Variants in ENPP6 observed in about 807,000 individuals in gnomAD.
The protein encoded by ENPP6 is glycerophosphocholine cholinephosphodiesterase ENPP6.
A neutral mutation model predicts 42.0 loss-of-function variants in ENPP6; 32 were observed. The ratio of observed to expected loss-of-function variants is 0.76; its 90% CI spans 0.58 to 1.02. The LOEUF (loss-of-function observed/expected upper bound fraction) is 1.02. Among genes scored for constraint, ENPP6 ranks in the 50% least tolerant of loss-of-function variants. The pLI is 0.00. For missense variants in ENPP6, 552 were observed against 566.8 expected (o/e 0.97, Z 0.27); for synonymous variants, 213 against 216.0 (o/e 0.99, Z 0.12).
At chr4:184,197,639 C>T (rs56076126) in intron 1 of ENPP6, among the ~76,000 whole-genome samples, 2,101 of 152,314 alleles carry the variant, frequency 0.014, 26 homozygotes, top group Non-Finnish European at 0.022. Context: ...CTAAGTCATC[C>T]TCTGCTTTTG....
intron 7 of ENPP6, among the ~76,000 whole-genome samples, chr4:184,093,122 C>G (rs996645043): frequency 6.6e-6 from 1 of 152,152 alleles, no homozygotes; most frequent in African/African-American, 2.4e-5. Flanking sequence ...ACCCAGCATG[C>G]ACTAGCTGGG....
chr4:184,120,132 C>T (rs1424551760), intron 3 of ENPP6, among the ~76,000 whole-genome samples: 1 of 152,126 alleles, frequency 6.6e-6, no homozygotes, highest in East Asian at 1.9e-4. Context: ...GGCCCTAGAT[C>T]GCTTTTCCTG....
At position 184,104,903 on chromosome 4, in the gene ENPP6, CA is replaced by C. The variant is rs1260881821; in HGVS notation, c.994-7536del. Among the ~76,000 whole-genome samples, 9 of 152,312 alleles carry C rather than the reference CA, an allele frequency of 5.9e-5. No homozygotes were observed. The East Asian group carries it at 1.4e-3, about 23-fold the overall frequency. ...CCGGCAAGGCAGAGTCCAAAACAGA[CA>C]AACAAATGTAGCATCAGGTCTTACA... On this transcript the variant is annotated intron_variant, in intron 6 of 7. Transcript: ENST00000296741.
intron 2 of ENPP6, among the ~76,000 whole-genome samples, chr4:184,141,309 C>T (rs1231663540): frequency 1.3e-5 from 2 of 152,182 alleles, no homozygotes; most frequent in East Asian, 1.9e-4. Context: ...CAGGCTGCTG[C>T]CTCCGGGCCA....
chr4:184,122,404 ACACCACCACCAC>A (rs57184304), intron 3 of ENPP6, among the ~76,000 whole-genome samples: 80 of 140,886 alleles, frequency 5.7e-4, no homozygotes, highest in Admixed American at 1.9e-3. Context: ...ACACACTCAT[ACACCACCACCAC>A]CACCACCACC....
chr4:184,208,293 A>C (rs56306877), intron 1 of ENPP6, among the ~76,000 whole-genome samples: 7,280 of 152,288 alleles, frequency 0.048, 250 homozygotes, highest in Non-Finnish European at 0.076. Flanking sequence ...AGCGATGCAG[A>C]AGATGGGTGA....
At chr4:184,112,143 T>G (rs1217084307) in intron 6 of ENPP6, among the ~76,000 whole-genome samples, 1 of 152,142 alleles carries the variant, frequency 6.6e-6, no homozygotes, top group African/African-American at 2.4e-5. Context: ...CAGAGCTGGA[T>G]GAGCTTAGAG....
intron 1 of ENPP6, among the ~76,000 whole-genome samples, chr4:184,202,581 G>A (rs1158400497): frequency 1.3e-5 from 2 of 152,098 alleles, no homozygotes; most frequent in East Asian, 3.9e-4. Context: ...ACCTGACCAC[G>A]CTCACTTCTC....
At chr4:184,096,633 C>G (rs981439274) in intron 7 of ENPP6, among the ~76,000 whole-genome samples, 1 of 152,208 alleles carries the variant, frequency 6.6e-6, no homozygotes, top group Admixed American at 6.5e-5. Context: ...CTCTCCATCT[C>G]TCCTCTCCTC....
chr4:184,140,422 A>G (rs1736800260), intron 2 of ENPP6, among the ~76,000 whole-genome samples: 1 of 152,074 alleles, frequency 6.6e-6, no homozygotes, highest in Non-Finnish European at 1.5e-5. Context: ...AAAAGAGCCC[A>G]CATTGCCAAG....
chr4:184,136,505 C>T (rs551927041), intron 2 of ENPP6, among the ~76,000 whole-genome samples: 1 of 152,282 alleles, frequency 6.6e-6, no homozygotes, highest in East Asian at 1.9e-4. Flanking sequence ...GTTAATATTT[C>T]CTTTACTCTA....
intron 2 of ENPP6, among the ~76,000 whole-genome samples, chr4:184,153,221 G>T (rs1009363699): frequency 1.3e-5 from 2 of 151,782 alleles, no homozygotes; most frequent in Non-Finnish European, 2.9e-5. Context: ...CGCCTCCTGG[G>T]TTCAAGCGAT....
chr4:184,209,951 A>G (rs1402367495), intron 1 of ENPP6, among the ~76,000 whole-genome samples: 3 of 141,258 alleles, frequency 2.1e-5, no homozygotes, highest in Non-Finnish European at 4.6e-5. Flanking sequence ...TAAAGAAAAG[A>G]ATTTTCAACC....
At chr4:184,174,702 G>A (rs1159959557) in intron 1 of ENPP6, among the ~76,000 whole-genome samples, 1 of 11,508 alleles carries the variant, frequency 8.7e-5, no homozygotes, top group Non-Finnish European at 4.4e-4. Context: ...AGTATCTTAC[G>A]ATATTACTTC....
At chr4:184,201,000 C>T (rs780196072) in intron 1 of ENPP6, among the ~76,000 whole-genome samples, 6 of 152,186 alleles carry the variant, frequency 3.9e-5, no homozygotes, top group East Asian at 1.9e-4. Context: ...AGGTGGCCCA[C>T]GCATCCTCCC....
At chr4:184,215,082 G>A (rs1000945034) in intron 1 of ENPP6, among the ~76,000 whole-genome samples, 1 of 152,090 alleles carries the variant, frequency 6.6e-6, no homozygotes, top group African/African-American at 2.4e-5. Context: ...ATGCAGCCCC[G>A]GCAGTTCATC....
At chr4:184,163,934 G>C (rs1737307163) in intron 1 of ENPP6, among the ~76,000 whole-genome samples, 1 of 152,232 alleles carries the variant, frequency 6.6e-6, no homozygotes. Flanking sequence ...CTAACCTACA[G>C]GTTTTTGCCC....
At chr4:184,153,756 G>C (rs1737099002) in intron 1 of ENPP6, 23 bp from the exon 2 acceptor site, 1 of 1,606,448 alleles carries the variant, frequency 6.2e-7, no homozygotes, top group Non-Finnish European at 8.5e-7. Context: ...GAACACAGCT[G>C]TCAGTTTACG....
At chr4:184,139,206 A>G (rs1736779272) in intron 2 of ENPP6, among the ~76,000 whole-genome samples, 1 of 152,244 alleles carries the variant, frequency 6.6e-6, no homozygotes, top group African/African-American at 2.4e-5. Flanking sequence ...ACCCAGAGTG[A>G]ATAAATGACT....
Sources: gnomAD v4.1 joint callset for allele counts (sites outside exome capture counted in the v4.1 genomes callset) on GRCh38, gnomAD v4.1.1 for gene constraint, MANE v1.5 for transcripts, NCBI Gene and HGNC (gene_info 2026-07-23, HGNC 2026-07-21) for gene names.